UNC13C: variants seen among roughly 807,000 people sequenced by gnomAD.
UNC13C encodes the protein unc-13 homolog C.
A neutral mutation model predicts 245.4 loss-of-function variants in UNC13C; 174 were observed. The observed-to-expected ratio is 0.71, with a 90% CI of 0.63 to 0.80. The LOEUF is 0.80. Among genes scored for constraint, UNC13C ranks in the 30% least tolerant of loss-of-function variants. The probability of loss-of-function intolerance (pLI) is 0.00; values close to 1 mark genes in which losing one functional copy is unlikely to be tolerated. For missense variants in UNC13C, 2,829 were observed against 2,602.9 expected (o/e 1.09, Z -1.89); for synonymous variants, 992 against 895.1 (o/e 1.11, Z -1.93).
the UNC13C span, among the ~76,000 whole-genome samples, chr15:53,898,365 G>T: frequency 3.9e-5 from 6 of 151,970 alleles, no homozygotes; most frequent in African/African-American, 1.5e-4. Flanking sequence ...AGCTTTTCTT[G>T]ACCTAACTGA....
intron 2 of UNC13C, chr15:54,049,405 A>G (rs546341340): frequency 1.2e-5 from 6 of 509,048 alleles, no homozygotes; most frequent in Non-Finnish European, 2.0e-5. Context: ...TTTGAGATCA[A>G]ATATAATTGG....
intron 4 of UNC13C, among the ~76,000 whole-genome samples, chr15:54,201,414 A>C (rs754031484): frequency 1.1e-4 from 17 of 152,084 alleles, no homozygotes; most frequent in Non-Finnish European, 1.9e-4. Context: ...AAAAATCGTC[A>C]ACAAAATAAT....
intron 13 of UNC13C, chr15:54,321,077 C>G (rs2038144654): frequency 4.1e-6 from 2 of 487,586 alleles, no homozygotes; most frequent in African/African-American, 2.0e-5. Context: ...TGGCCACCAC[C>G]AAAGCTTTTA....
rs1458935706 is a variant in UNC13C at position 54,335,947 on chromosome 15, T to C, written c.4584+2091T>C. ...AAAACTCTTGGGATTTTCCATGTTA[T>C]GTATGTATGTATGTATATATTTCTT... On this transcript the variant is annotated intron_variant, in intron 16 of 32. Coordinates refer to ENST00000260323, the MANE Select transcript of UNC13C (RefSeq NM_001080534.3). Among the ~76,000 whole-genome samples, 8 of 152,066 alleles carry C rather than the reference T, an allele frequency of 5.3e-5. No homozygotes were observed. In the South Asian group the frequency reaches 8.3e-4, roughly 16 times the overall value.
rs139859717 is a variant in UNC13C, at chr15:54,339,472, G to T, written c.4713+983G>T. 8.7e-4 allele frequency among the ~76,000 whole-genome samples: 133 copies of T among 152,058 alleles called. 1 individual carries two copies. The East Asian group carries it at 0.018, about 21-fold the overall frequency. On this transcript the variant is annotated intron_variant, in intron 17 of 32. Transcript: ENST00000260323. ...TCCATTGTATCATTCTTACGCCTTT[G>T]CACCCTCATAGCTTAGCTCCCACTT...
Position 54,505,897 on chromosome 15 carries a change from T to A in UNC13C, c.5302-1220T>A, listed in dbSNP as rs543125153. Among the ~76,000 whole-genome samples, 12 of 152,182 alleles carry A rather than the reference T, an allele frequency of 7.9e-5. No homozygotes were observed. In the East Asian group the frequency reaches 1.7e-3, roughly 22 times the overall value. The stretch of plus-strand genomic sequence containing the variant: ...ACGTGTGAGATCCCAGGATTCCTTG[T>A]CTCTAAGCATAAATTCAAGGGACTA... On this transcript the variant is annotated intron_variant, in intron 22 of 32. Transcript: ENST00000260323.
chr15:53,940,017 G>C, the UNC13C span, among the ~76,000 whole-genome samples: 1 of 152,136 alleles, frequency 6.6e-6, no homozygotes, highest in African/African-American at 2.4e-5. Context: ...AAGGAACTTA[G>C]AGGAGGGAGT....
At chr15:54,536,933 C>T (rs1896007668) in intron 26 of UNC13C, among the ~76,000 whole-genome samples, 1 of 152,122 alleles carries the variant, frequency 6.6e-6, no homozygotes, top group East Asian at 1.9e-4. Flanking sequence ...GACAAGGATG[C>T]TCACTCTCAC....
chr15:54,371,445 CA>C (rs1406430226), intron 17 of UNC13C, among the ~76,000 whole-genome samples: 1 of 152,092 alleles, frequency 6.6e-6, no homozygotes, highest in Non-Finnish European at 1.5e-5. Flanking sequence ...ATTAAGTTTC[CA>C]AGTTGAATAA....
intron 13 of UNC13C, among the ~76,000 whole-genome samples, chr15:54,303,218 G>A (rs1177010821): frequency 5.9e-5 from 9 of 152,106 alleles, no homozygotes; most frequent in Non-Finnish European, 8.8e-5. Flanking sequence ...AATAGAGTCT[G>A]TGATTTTGAC....
the UNC13C span, among the ~76,000 whole-genome samples, chr15:53,852,469 A>T: frequency 6.6e-6 from 1 of 152,084 alleles, no homozygotes; most frequent in Non-Finnish European, 1.5e-5. Flanking sequence ...CTCCCTACGT[A>T]TGTACAGATG....
chr15:54,278,806 A>G (rs975661625), intron 10 of UNC13C, among the ~76,000 whole-genome samples: 9 of 152,180 alleles, frequency 5.9e-5, no homozygotes, highest in African/African-American at 2.2e-4. Context: ...AAATGGAAAT[A>G]TTATATGGTT....
chr15:53,917,775 A>G, the UNC13C span, among the ~76,000 whole-genome samples: 1 of 152,246 alleles, frequency 6.6e-6, no homozygotes, highest in Non-Finnish European at 1.5e-5. Flanking sequence ...TTTTAGGGTT[A>G]GGACAACAGG....
In UNC13C at chr15:54,325,121, CAT is replaced by C. The variant is rs1195550292; in HGVS notation, c.4425+3028_4425+3029del. Among the ~76,000 whole-genome samples the C allele has an allele frequency of 5.3e-5, 8 of 151,972 alleles. No homozygotes were observed. The East Asian group carries it at 1.6e-3, about 30-fold the overall frequency. On this transcript the variant is annotated intron_variant, in intron 14 of 32. Transcript: ENST00000260323. ...TATATAAATTAAAGCTCAATTATTC[CAT>C]AAATATGATACAGTCATTAAAAATC...
intron 7 of UNC13C, among the ~76,000 whole-genome samples, 178 bp from the exon 8 acceptor site, chr15:54,250,043 TTGAG>T (rs2036102066): frequency 6.6e-6 from 1 of 152,128 alleles, no homozygotes; most frequent in Non-Finnish European, 1.5e-5. Context: ...CCCTAAAACA[TTGAG>T]AGAAGAATAG....
chr15:54,499,191 G>C (rs903585991), intron 20 of UNC13C, among the ~76,000 whole-genome samples: 1 of 152,058 alleles, frequency 6.6e-6, no homozygotes, highest in Non-Finnish European at 1.5e-5. Context: ...CATCTCACAT[G>C]GGGGGAGCAG....
intron 19 of UNC13C, among the ~76,000 whole-genome samples, chr15:54,475,060 A>G (rs1017481205): frequency 6.6e-6 from 1 of 151,988 alleles, no homozygotes; most frequent in Non-Finnish European, 1.5e-5. Context: ...TTAGGGATCA[A>G]ATTTCAACAC....
chr15:54,142,472 T>C (rs574773735), intron 2 of UNC13C, among the ~76,000 whole-genome samples: 7 of 152,348 alleles, frequency 4.6e-5, no homozygotes, highest in Admixed American at 3.3e-4. Flanking sequence ...TGGAATCAAC[T>C]TAATCTTTTA....
intron 2 of UNC13C, among the ~76,000 whole-genome samples, chr15:54,078,431 A>T (rs541590132): frequency 6.6e-6 from 1 of 152,170 alleles, no homozygotes; most frequent in African/African-American, 2.4e-5. Flanking sequence ...TTCATAGAAG[A>T]TGAGCTAATT....
Sources: allele counts gnomAD v4.1 joint callset (sites outside exome capture counted in the v4.1 genomes callset), GRCh38; gene constraint gnomAD v4.1.1; transcripts MANE v1.5; gene names NCBI Gene and HGNC (gene_info 2026-07-23, HGNC 2026-07-21).